The following HDAC9 variants were observed in gnomAD, a reference collection of about 807,000 sequenced individuals.
The protein encoded by HDAC9 is histone deacetylase 9, also known as MEF-2 interacting transcription repressor (MITR) protein.
A neutral mutation model predicts 139.4 loss-of-function variants in HDAC9; 41 were observed. That is an observed-to-expected ratio of 0.29 (90% CI 0.23 to 0.38). HDAC9 has a LOEUF of 0.38. Among genes scored for constraint, HDAC9 ranks in the 10% least tolerant of loss-of-function variants. The pLI is 1.00. For synonymous variants in HDAC9, 517 were observed against 476.2 expected, an observed-to-expected ratio of 1.09 and a Z score of -1.12; for missense variants, 1,147 against 1,297.0, an observed-to-expected ratio of 0.88 and a Z score of 1.78.
intron 2 of HDAC9, among the ~76,000 whole-genome samples, chr7:18,213,532 C>G (rs1792096211): frequency 6.6e-6 from 1 of 152,170 alleles, no homozygotes; most frequent in Middle Eastern, 3.4e-3. Flanking sequence ...AAGAAATTTT[C>G]TCTGTTAGTC....
At chr7:18,792,616 G>A (rs911916296) in intron 16 of HDAC9, among the ~76,000 whole-genome samples, 4 of 152,130 alleles carry the variant, frequency 2.6e-5, no homozygotes, top group Non-Finnish European at 5.9e-5. Context: ...ATGTTCTCTA[G>A]TAGATAAGCA....
intron 2 of HDAC9, among the ~76,000 whole-genome samples, chr7:18,211,847 G>T (rs1252801663): frequency 6.6e-6 from 1 of 152,146 alleles, no homozygotes; most frequent in African/African-American, 2.4e-5. Flanking sequence ...TGAGAAGGAA[G>T]GGTAAGGAGG....
At chr7:18,192,863 A>C (rs1790452300) in intron 2 of HDAC9, among the ~76,000 whole-genome samples, 2 of 152,194 alleles carry the variant, frequency 1.3e-5, no homozygotes, top group African/African-American at 4.8e-5. Flanking sequence ...CATTGTATTT[A>C]ATATGTATTT....
At chr7:18,638,008 G>A (rs1384802293) in intron 8 of HDAC9, among the ~76,000 whole-genome samples, 1 of 152,000 alleles carries the variant, frequency 6.6e-6, no homozygotes, top group Non-Finnish European at 1.5e-5. Flanking sequence ...ATTGATAGTA[G>A]TACGGGATTT....
intron 11 of HDAC9, 34 bp downstream of exon 11, chr7:18,648,717 C>A: frequency 6.4e-7 from 1 of 1,567,452 alleles, no homozygotes; most frequent in Non-Finnish European, 8.7e-7. Context: ...ATGTTCTAAC[C>A]GCCAGTTTGG....
At chr7:18,268,882 C>T (rs1796168667) in intron 2 of HDAC9, among the ~76,000 whole-genome samples, 1 of 152,192 alleles carries the variant, frequency 6.6e-6, no homozygotes, top group Non-Finnish European at 1.5e-5. Context: ...ATTCCAAACT[C>T]AGACAGTAAG....
chr7:18,472,874 G>A (rs1794828481), intron 1 of HDAC9, among the ~76,000 whole-genome samples: 1 of 152,138 alleles, frequency 6.6e-6, no homozygotes, highest in Admixed American at 6.5e-5. Flanking sequence ...TCTTGTCTCT[G>A]GTTTATCCCA....
intron 22 of HDAC9, among the ~76,000 whole-genome samples, chr7:18,924,049 G>A (rs537600843): frequency 6.6e-6 from 1 of 151,352 alleles, no homozygotes; most frequent in Non-Finnish European, 1.5e-5. Flanking sequence ...CATGGCATTT[G>A]TAAAAATGGT....
chr7:18,158,077 A>G (rs765541485), intron 1 of HDAC9, among the ~76,000 whole-genome samples: 1 of 152,158 alleles, frequency 6.6e-6, no homozygotes, highest in Non-Finnish European at 1.5e-5. Flanking sequence ...CATGAGAAAG[A>G]TATATCAGAT....
chr7:18,950,475 T>G (rs1013677756), intron 23 of HDAC9, among the ~76,000 whole-genome samples: 14 of 152,068 alleles, frequency 9.2e-5, no homozygotes, highest in Admixed American at 2.6e-4. Flanking sequence ...TATTTTGTCT[T>G]GTTAGCTATG....
intron 1 of HDAC9, among the ~76,000 whole-genome samples, chr7:18,441,275 A>G (rs1388766836): frequency 6.6e-6 from 1 of 152,136 alleles, no homozygotes; most frequent in Admixed American, 6.5e-5. Context: ...AAAGTATTCC[A>G]TTGCTTCACC....
intron 2 of HDAC9, among the ~76,000 whole-genome samples, chr7:18,499,318 A>G (rs778664547): frequency 2.0e-5 from 3 of 152,058 alleles, no homozygotes; most frequent in African/African-American, 7.2e-5. Flanking sequence ...AGCTCTTTAT[A>G]TACTATTGGA....
intron 11 of HDAC9, among the ~76,000 whole-genome samples, chr7:18,665,288 A>G (rs536424469): frequency 4.3e-4 from 65 of 152,280 alleles, no homozygotes; most frequent in African/African-American, 1.5e-3. Context: ...AACACAGTTC[A>G]AGGTCTGCAG....
In HDAC9 at chr7:18,447,124, C is replaced by T. The variant is rs1181127569; in HGVS notation, c.-41-49138C>T. Among the ~76,000 whole-genome samples the T allele has an allele frequency of 7.2e-5, 11 of 152,042 alleles. No homozygotes were observed. The South Asian group carries it at 2.1e-3, about 29-fold the overall frequency. ...TTAAAATAATGGAAATATTTATTGG[C>T]CCTAGTGTATCTGTGGTATCATTGA... On this transcript the variant is annotated intron_variant, in intron 1 of 3. Coordinates refer to the HDAC9 transcript ENST00000413509.
chr7:18,453,669 T>C (rs1427515347), intron 1 of HDAC9, among the ~76,000 whole-genome samples: 1 of 152,222 alleles, frequency 6.6e-6, no homozygotes. Context: ...TATAATATCA[T>C]AACTTATTTT....
At position 18,579,744 on chromosome 7, in the gene HDAC9, A is replaced by G. The variant is rs532442952; in HGVS notation, c.23-5537A>G. Among the ~76,000 whole-genome samples the G allele has an allele frequency of 8.5e-5, 13 of 152,290 alleles. No individual in the cohort carries two copies. In the East Asian group the frequency reaches 2.3e-3, roughly 27 times the overall value. ...AGCACCTTTTTCAGTGGAAAACTTA[A>G]CTAAATAATTGGCATATACCAATTT... On this transcript the variant is annotated intron_variant, in intron 2 of 25. Coordinates refer to ENST00000686413, the MANE Select transcript of HDAC9 (RefSeq NM_178425.4).
chr7:18,244,955 G>C (rs1294546879), intron 2 of HDAC9, among the ~76,000 whole-genome samples: 1 of 117,444 alleles, frequency 8.5e-6, no homozygotes, highest in East Asian at 2.5e-4. Context: ...TCTGTATATG[G>C]ACATAACATA....
intron 16 of HDAC9, among the ~76,000 whole-genome samples, chr7:18,786,434 G>C (rs776831167): frequency 1.0e-4 from 15 of 144,174 alleles, no homozygotes; most frequent in Admixed American, 2.1e-4. Context: ...CTGAATGCAA[G>C]ATGTTTTTTC....
At chr7:18,318,291 A>G (rs537765302) in intron 1 of HDAC9, among the ~76,000 whole-genome samples, 15 of 152,364 alleles carry the variant, frequency 9.8e-5, no homozygotes, top group South Asian at 2.1e-4. Context: ...TTTTAATTCA[A>G]TACAAAAATG....
Sources: gnomAD v4.1 joint callset for allele counts (sites outside exome capture counted in the v4.1 genomes callset) on GRCh38, gnomAD v4.1.1 for gene constraint, MANE v1.5 for transcripts, NCBI Gene and HGNC (gene_info 2026-07-23, HGNC 2026-07-21) for gene names.